FAM107A: variants seen among roughly 807,000 people sequenced by gnomAD.
FAM107A encodes the protein actin-associated protein FAM107A.
FAM107A carries 19 observed loss-of-function variants against 13.7 expected under a neutral mutation model. That is an observed-to-expected ratio of 1.38 (90% CI 0.97 to 2.03). The LOEUF (loss-of-function observed/expected upper bound fraction) is 2.03, where lower values mean the gene tolerates loss of function less well. FAM107A is among the 30% of genes most tolerant of loss of function. The probability of loss-of-function intolerance (pLI) is 0.00; values close to 1 mark genes in which losing one functional copy is unlikely to be tolerated. For missense variants in FAM107A, 203 were observed against 184.4 expected (o/e 1.10, Z -0.58); for synonymous variants, 82 against 74.5 (o/e 1.10, Z -0.52).
chr3:58,607,123 C>G (rs1412576042), intron 1 of FAM107A: 1 of 152,224 alleles, frequency 6.6e-6, no homozygotes, highest in East Asian at 1.9e-4. Context: ...ATCTTTCCAG[C>G]CTCCTGGTAA....
chr3:58,593,641 C>G (rs2065673366), intron 1 of FAM107A, among the ~76,000 whole-genome samples: 1 of 151,924 alleles, frequency 6.6e-6, no homozygotes, highest in African/African-American at 2.4e-5. Context: ...TCGCTCCCTA[C>G]CCTTCCCTAA....
At chr3:58,590,427 G>A (rs530374124), upstream of FAM107A, among the ~76,000 whole-genome samples, 2 of 152,208 alleles carry the variant, frequency 1.3e-5, no homozygotes, top group Non-Finnish European at 2.9e-5. Flanking sequence ...CTTAGCCTGA[G>A]TACCACTGAA....
intron 1 of FAM107A, among the ~76,000 whole-genome samples, chr3:58,575,260 C>G (rs189186519): frequency 2.0e-5 from 3 of 152,308 alleles, no homozygotes; most frequent in South Asian, 4.2e-4. Context: ...GTAGCTTAAC[C>G]TCTCTGAGCC....
At chr3:58,599,459 G>T (rs2065734284) in intron 1 of FAM107A, among the ~76,000 whole-genome samples, 1 of 152,154 alleles carries the variant, frequency 6.6e-6, no homozygotes, top group Non-Finnish European at 1.5e-5. Context: ...TTATGGGATT[G>T]TCCACACCTT....
intron 1 of FAM107A, among the ~76,000 whole-genome samples, chr3:58,599,200 C>G (rs1159423021): frequency 6.6e-6 from 1 of 152,174 alleles, no homozygotes; most frequent in Non-Finnish European, 1.5e-5. Context: ...CCTCAGCCTC[C>G]CAAAGTGCTG....
intron 1 of FAM107A, among the ~76,000 whole-genome samples, chr3:58,583,667 C>T (rs1411958516): frequency 6.6e-6 from 1 of 151,650 alleles, no homozygotes; most frequent in Non-Finnish European, 1.5e-5. Flanking sequence ...AAACGTTTTT[C>T]TTTTTCTTTT....
chr3:58,623,471 C>A (rs2065978300), intron 1 of FAM107A, among the ~76,000 whole-genome samples: 1 of 152,194 alleles, frequency 6.6e-6, no homozygotes, highest in African/African-American at 2.4e-5. Flanking sequence ...AGCAACAGGA[C>A]CACGTGCCAT....
Position 58,613,939 on chromosome 3 carries a change from C to G in FAM107A, c.-70+13477G>C, listed in dbSNP as rs908217103. On this transcript the variant is annotated intron_variant, in intron 1 of 3. Transcript: ENST00000465970. This position sits in a 1 kb window ranked among gnomAD's most constrained non-coding sequence, Gnocchi z 4.6. Reference sequence around the variant, plus strand: ...CCACAACTCCCTGCAGCCTGCTGTACCTGGGAAGTGCCAGTGGGCTGGACC... The same window carrying G: ...CCACAACTCCCTGCAGCCTGCTGTAGCTGGGAAGTGCCAGTGGGCTGGACC... Among the ~76,000 whole-genome samples, 25 of 152,200 alleles carry G rather than the reference C, an allele frequency of 1.6e-4. No individual in the cohort carries two copies. Among genetic ancestry groups the G allele is most frequent in the African/African-American group, 5.3e-4 (22 of 41,444 alleles).
chr3:58,624,697 C>T (rs1478305852), intron 1 of FAM107A, among the ~76,000 whole-genome samples: 2 of 151,930 alleles, frequency 1.3e-5, no homozygotes, highest in Non-Finnish European at 2.9e-5. Context: ...CCTGACATTC[C>T]CCAGGGGACA....
intron 1 of FAM107A, among the ~76,000 whole-genome samples, chr3:58,584,214 C>T (rs2065579090): frequency 1.3e-5 from 2 of 152,156 alleles, no homozygotes; most frequent in South Asian, 4.1e-4. Flanking sequence ...ACCATCTGAG[C>T]CTCGGTTTCC....
intron 3 of FAM107A, 171 bp from the exon 4 acceptor site, chr3:58,566,866 C>A: frequency 1.6e-6 from 1 of 617,590 alleles, no homozygotes; most frequent in Non-Finnish European, 2.9e-6. Flanking sequence ...ACTGAGTTCT[C>A]CTTGTGCAGC....
intron 1 of FAM107A, among the ~76,000 whole-genome samples, chr3:58,614,574 G>A (rs903641015): frequency 1.3e-5 from 2 of 149,622 alleles, no homozygotes; most frequent in Non-Finnish European, 3.0e-5. Context: ...GCGTGATCTC[G>A]GCTCACTGCA....
intron 1 of FAM107A, among the ~76,000 whole-genome samples, chr3:58,570,839 C>T (rs900847312): frequency 1.3e-5 from 2 of 152,220 alleles, no homozygotes; most frequent in Admixed American, 6.5e-5. Flanking sequence ...GATCAATACA[C>T]ATTTGTTGGT....
intron 1 of FAM107A, among the ~76,000 whole-genome samples, chr3:58,576,661 A>C (rs2063733464): frequency 6.6e-6 from 1 of 152,248 alleles, no homozygotes; most frequent in Non-Finnish European, 1.5e-5. Context: ...CCAATCTCAG[A>C]CTTGCCTTGT....
Position 58,613,786 on chromosome 3 carries a change from C to A in FAM107A, c.-70+13630G>T, listed in dbSNP as rs2065876504. Among the ~76,000 whole-genome samples the A allele has an allele frequency of 6.6e-6, 1 of 152,206 alleles. No homozygotes were observed. The highest frequency in any genetic ancestry group is 2.1e-4 in the South Asian group (1 of 4,834). ...GCTCAGCTTACCACAGCTGCCAAGT[C>A]CTTGCCCTGGGATGGTGGAGACTGA... is the stretch of plus-strand genomic sequence containing the variant. On this transcript the variant is annotated intron_variant, in intron 1 of 3. Coordinates refer to the FAM107A transcript ENST00000465970. This position sits in a 1 kb window ranked among gnomAD's most constrained non-coding sequence, Gnocchi z 4.6.
chr3:58,621,351 A>G (rs1431395395), intron 1 of FAM107A, among the ~76,000 whole-genome samples: 1 of 152,150 alleles, frequency 6.6e-6, no homozygotes, highest in Admixed American at 6.5e-5. Flanking sequence ...GCAGCTGCAC[A>G]GGGCTCTGAG....
chr3:58,575,124 G>A (rs901073408), intron 1 of FAM107A, among the ~76,000 whole-genome samples: 1 of 152,148 alleles, frequency 6.6e-6, no homozygotes, highest in Non-Finnish European at 1.5e-5. Flanking sequence ...TTCTGTCTTC[G>A]ATGGCATCAG....
intron 1 of FAM107A, among the ~76,000 whole-genome samples, chr3:58,620,875 C>T (rs2065948450): frequency 6.6e-6 from 1 of 152,168 alleles, no homozygotes. Flanking sequence ...AAACTGTGCC[C>T]TTTCCTGCCT....
intron 1 of FAM107A, among the ~76,000 whole-genome samples, chr3:58,622,348 G>A (rs189970957): frequency 6.6e-6 from 1 of 152,316 alleles, no homozygotes; most frequent in Admixed American, 6.5e-5. Context: ...GACTGAGGCA[G>A]GAGAATCACT....
Sources: allele counts gnomAD v4.1 joint callset (sites outside exome capture counted in the v4.1 genomes callset), GRCh38; gene constraint gnomAD v4.1.1; non-coding constraint Gnocchi (gnomAD v3.1); transcripts MANE v1.5; gene names NCBI Gene and HGNC (gene_info 2026-07-23, HGNC 2026-07-21).